RPRD1A: variants seen among roughly 807,000 people sequenced by gnomAD.
RPRD1A encodes regulation of nuclear pre-mRNA domain containing 1A, also known as regulation of nuclear pre-mRNA domain-containing protein 1A.
In RPRD1A, 9 loss-of-function variants were observed where a neutral mutation model predicts 37.8. That is an observed-to-expected ratio of 0.24 (90% CI 0.14 to 0.42). The LOEUF (loss-of-function observed/expected upper bound fraction) is 0.42. RPRD1A is among the 10% of genes least tolerant of loss of function. The pLI is 1.00. For missense variants in RPRD1A, 255 were observed against 371.0 expected (o/e 0.69, Z 2.57); for synonymous variants, 138 against 139.7 (o/e 0.99, Z 0.08).
intron 1 of RPRD1A, among the ~76,000 whole-genome samples, chr18:36,050,436 C>T (rs1411079072): frequency 6.6e-6 from 1 of 151,958 alleles, no homozygotes; most frequent in Non-Finnish European, 1.5e-5. Context: ...CTGGTTTTCA[C>T]CCGCCTTTGC....
intron 1 of RPRD1A, among the ~76,000 whole-genome samples, chr18:36,034,299 A>G (rs1244068362): frequency 6.6e-6 from 1 of 152,218 alleles, no homozygotes; most frequent in Non-Finnish European, 1.5e-5. Context: ...TGTTTATGCA[A>G]TAAATATTTG....
chr18:36,018,796 A>C (rs930164113), intron 6 of RPRD1A, among the ~76,000 whole-genome samples: 15 of 152,160 alleles, frequency 9.9e-5, no homozygotes, highest in Non-Finnish European at 2.2e-4. Context: ...CAAAATGACA[A>C]TGTAATACAG....
At chr18:35,999,258 T>C (rs560646357) in intron 6 of RPRD1A, among the ~76,000 whole-genome samples, 1 of 152,228 alleles carries the variant, frequency 6.6e-6, no homozygotes, top group East Asian at 1.9e-4. Flanking sequence ...GAGTACTGTT[T>C]CCTCAATCTA....
intron 1 of RPRD1A, among the ~76,000 whole-genome samples, chr18:36,046,065 A>G (rs554149279): frequency 6.6e-6 from 1 of 152,372 alleles, no homozygotes; most frequent in African/African-American, 2.4e-5. Context: ...TTTTATGATT[A>G]TATTAAAATT....
Position 35,991,441 on chromosome 18 carries a change from G to A in RPRD1A, c.*1710C>T, listed in dbSNP as rs974230132. ...TGTGGCTGCTGCATGCTGTGTCCTA[G>A]TTAGAGCAGTGTTACAAATGCTGGT... is the stretch of plus-strand genomic sequence containing the variant. On this transcript the variant is annotated 3_prime_UTR_variant, in exon 7 of 7. Coordinates refer to ENST00000399022, the MANE Select transcript of RPRD1A (RefSeq NM_018170.5). The A allele has an allele frequency of 6.6e-6, 1 of 152,180 alleles. No homozygotes were observed. The highest frequency in any genetic ancestry group is 1.5e-5 in the Non-Finnish European group (1 of 68,060). 9.4% of individuals were successfully genotyped at this position (152,180 alleles called of 1,614,324 possible). A position where few individuals can be genotyped will look rare whatever the true frequency, so the allele number is the denominator to read the frequency against.
chr18:36,051,313 G>A (rs998208451), intron 1 of RPRD1A, among the ~76,000 whole-genome samples: 1 of 152,120 alleles, frequency 6.6e-6, no homozygotes, highest in African/African-American at 2.4e-5. Context: ...AAGGGTCTTG[G>A]TGATCCACAG....
At chr18:36,017,070 C>T (rs1402150056) in intron 6 of RPRD1A, among the ~76,000 whole-genome samples, 2 of 151,906 alleles carry the variant, frequency 1.3e-5, no homozygotes, top group African/African-American at 2.4e-5. Flanking sequence ...CTCTGGGAGG[C>T]GAGGGCAGGT....
intron 1 of RPRD1A, among the ~76,000 whole-genome samples, chr18:36,059,736 G>A (rs1385197543): frequency 6.6e-6 from 1 of 152,080 alleles, no homozygotes; most frequent in African/African-American, 2.4e-5. Context: ...TAGATGTAAA[G>A]GAACTTTATT....
In RPRD1A at chr18:36,067,271, T is replaced by A. The variant is rs1362664771; in HGVS notation, c.134A>T (p.Glu45Val). 6.3e-7 allele frequency: 1 copy of A among 1,593,866 alleles called. No homozygotes were observed. Among genetic ancestry groups the A allele is most frequent in the Non-Finnish European group, 8.5e-7 (1 of 1,170,720 alleles). Residue 45 changes from glutamate to valine, a missense_variant, in exon 1 of 7, where the codon GAG (glutamate) becomes GTG (valine). Coordinates refer to ENST00000399022, the MANE Select transcript of RPRD1A (RefSeq NM_018170.5). ...KHSRPIVTVW[E>V]RELRKAKPNR... ...TGACTCACCTTTCCGCAGCTCCCGC[T>A]CCCACACGGTGACGATGGGACGCGA...
chr18:36,002,424 A>G (rs986848368), intron 6 of RPRD1A, among the ~76,000 whole-genome samples: 2 of 151,684 alleles, frequency 1.3e-5, no homozygotes, highest in Non-Finnish European at 2.9e-5. Context: ...CATTCTTATT[A>G]TTTTTTTTAC....
chr18:36,062,535 G>A (rs978928526), intron 1 of RPRD1A, among the ~76,000 whole-genome samples: 3 of 151,252 alleles, frequency 2.0e-5, no homozygotes, highest in Admixed American at 6.6e-5. Flanking sequence ...GAAACAACTC[G>A]AACGTCTATC....
chr18:36,025,545 A>C (rs1911305896), intron 6 of RPRD1A: 1 of 869,030 alleles, frequency 1.2e-6, no homozygotes, highest in South Asian at 1.5e-5. Context: ...TATAAAGCAG[A>C]ATAAAGTTAC....
rs1449648904 is a variant in RPRD1A, at chr18:35,991,530, A to G, written c.*1621T>C. On this transcript the variant is annotated 3_prime_UTR_variant, in exon 7 of 7. Transcript: ENST00000399022. ...GTGAAGGACATTCATGGTTAGGTGGATTCAGTTCCCAGGTGAGCTATCAGC... is the reference window on the plus strand; with the variant it reads ...GTGAAGGACATTCATGGTTAGGTGGGTTCAGTTCCCAGGTGAGCTATCAGC... 1 of 152,206 alleles carries G rather than the reference A, an allele frequency of 6.6e-6. No homozygotes were observed. Among genetic ancestry groups the G allele is most frequent in the Non-Finnish European group, 1.5e-5 (1 of 68,046 alleles). 9.4% of individuals were successfully genotyped at this position (152,206 alleles called of 1,614,324 possible).
Position 36,054,338 on chromosome 18 carries a change from A to G in RPRD1A, c.151+12916T>C, listed in dbSNP as rs572542537. Among the ~76,000 whole-genome samples the G allele has an allele frequency of 6.6e-5, 10 of 152,178 alleles. No individual in the cohort carries two copies. The South Asian group carries it at 2.1e-3, about 32-fold the overall frequency. Reference sequence around the variant, plus strand: ...AAACCCCATCTCTACTAAAAATAGAAAAAAATTAGCCAGATGTGGTGGCGG... The same window carrying G: ...AAACCCCATCTCTACTAAAAATAGAGAAAAATTAGCCAGATGTGGTGGCGG... On this transcript the variant is annotated intron_variant, in intron 1 of 6. Transcript: ENST00000399022.
chr18:36,034,685 T>C (rs906211547), intron 1 of RPRD1A, among the ~76,000 whole-genome samples: 5 of 152,212 alleles, frequency 3.3e-5, no homozygotes, highest in African/African-American at 1.2e-4. Flanking sequence ...GTGGCATCCA[T>C]AGTACAGTGG....
At chr18:36,055,707 T>C (rs932330791) in intron 1 of RPRD1A, among the ~76,000 whole-genome samples, 3 of 152,132 alleles carry the variant, frequency 2.0e-5, no homozygotes, top group African/African-American at 7.2e-5. Flanking sequence ...AGAATTTATA[T>C]AGAGAAACAA....
At chr18:35,993,393 C>T in intron 6 of RPRD1A, 93 bp from the exon 7 acceptor site, 1 of 1,181,938 alleles carries the variant, frequency 8.5e-7, no homozygotes, top group South Asian at 1.6e-5. Context: ...TATATATACT[C>T]AGTTAATGCC....
intron 1 of RPRD1A, among the ~76,000 whole-genome samples, chr18:36,038,310 C>G (rs1912341392): frequency 6.6e-6 from 1 of 152,244 alleles, no homozygotes; most frequent in South Asian, 2.1e-4. Context: ...GGTGCCCTAC[C>G]TCCCAGCTGC....
chr18:36,017,695 T>C (rs1910686039), intron 6 of RPRD1A, among the ~76,000 whole-genome samples: 1 of 152,228 alleles, frequency 6.6e-6, no homozygotes, highest in Non-Finnish European at 1.5e-5. Flanking sequence ...TGAATGCCTC[T>C]CTTGACAGTA....
Sources: gnomAD v4.1 joint callset for allele counts (sites outside exome capture counted in the v4.1 genomes callset) on GRCh38, gnomAD v4.1.1 for gene constraint, MANE v1.5 for transcripts, NCBI Gene and HGNC (gene_info 2026-07-23, HGNC 2026-07-21) for gene names.